SNTG1: variants seen among roughly 807,000 people sequenced by gnomAD.
SNTG1 encodes the protein gamma-1-syntrophin.
A neutral mutation model predicts 74.7 loss-of-function variants in SNTG1; 39 were observed. The ratio of observed to expected loss-of-function variants is 0.52; its 90% CI spans 0.40 to 0.68. The LOEUF is 0.68. SNTG1 is among the 30% of genes least tolerant of loss of function. The pLI, the probability that SNTG1 is intolerant of heterozygous loss-of-function variation, is 0.00. For missense variants in SNTG1, 685 were observed against 609.5 expected (o/e 1.12, Z -1.30); for synonymous variants, 254 against 217.1 (o/e 1.17, Z -1.49).
chr8:50,035,542 G>A (rs888988163), intron 1 of SNTG1, among the ~76,000 whole-genome samples: 11 of 152,246 alleles, frequency 7.2e-5, no homozygotes, highest in East Asian at 5.8e-4. Context: ...TATTTTGTGC[G>A]TTGTTAAACT....
intron 1 of SNTG1, among the ~76,000 whole-genome samples, chr8:49,994,646 A>T (rs571344914): frequency 1.3e-5 from 2 of 151,908 alleles, no homozygotes; most frequent in East Asian, 3.9e-4. Flanking sequence ...ATTCATGGCT[A>T]AAAAAAACTG....
chr8:50,402,114 G>GT (rs1405295900), intron 3 of SNTG1, 96 bp from the exon 4 acceptor site: 1 of 1,263,942 alleles, frequency 7.9e-7, no homozygotes, highest in Non-Finnish European at 1.1e-6. Context: ...CCTCTTAAAT[G>GT]TTATTCACCA....
rs187237075 is a variant in SNTG1, at chr8:50,119,265, G to T, written c.-102-53296G>T. Reference sequence around the variant, plus strand: ...TGATCACTGCCACCACAGAGAGAAGGCTAATTCTCTTTTCAGTGGCCATTT... The same window carrying T: ...TGATCACTGCCACCACAGAGAGAAGTCTAATTCTCTTTTCAGTGGCCATTT... On this transcript the variant is annotated intron_variant, in intron 1 of 18. Transcript: ENST00000642720. Among the ~76,000 whole-genome samples the T allele has an allele frequency of 2.3e-4, 32 of 140,692 alleles. 7 individuals carry two copies. The highest frequency in any genetic ancestry group is 1.2e-3 in the Admixed American group (16 of 13,598). 92.3% of individuals were successfully genotyped at this position (140,692 alleles called of 152,430 possible). A position where few individuals can be genotyped will look rare whatever the true frequency, so the allele number is the denominator to read the frequency against.
At chr8:50,375,541 G>A (rs2092361147) in intron 2 of SNTG1, among the ~76,000 whole-genome samples, 1 of 152,154 alleles carries the variant, frequency 6.6e-6, no homozygotes, top group African/African-American at 2.4e-5. Context: ...TCCAGGCAGA[G>A]GGAAATGTTT....
At chr8:50,307,353 G>A (rs1169828292) in intron 2 of SNTG1, among the ~76,000 whole-genome samples, 1 of 151,934 alleles carries the variant, frequency 6.6e-6, no homozygotes, top group Non-Finnish European at 1.5e-5. Context: ...AACACAATTA[G>A]AATTGTATAT....
intron 1 of SNTG1, among the ~76,000 whole-genome samples, chr8:50,018,762 A>C (rs1366395045): frequency 6.6e-6 from 1 of 152,064 alleles, no homozygotes; most frequent in Non-Finnish European, 1.5e-5. Context: ...AATTAGATAA[A>C]TGCAAATTAA....
At chr8:49,926,920 A>C (rs1807079530) in intron 1 of SNTG1, among the ~76,000 whole-genome samples, 1 of 152,216 alleles carries the variant, frequency 6.6e-6, no homozygotes, top group African/African-American at 2.4e-5. Flanking sequence ...CCAATTAAAA[A>C]ATCGGTAAAG....
intron 17 of SNTG1, among the ~76,000 whole-genome samples, chr8:50,720,946 G>A (rs1178468602): frequency 6.6e-6 from 1 of 152,136 alleles, no homozygotes; most frequent in Non-Finnish European, 1.5e-5. Context: ...ACCTTTATAT[G>A]TGAAAGTTGC....
At chr8:50,627,744 A>G (rs1253791949) in intron 13 of SNTG1, among the ~76,000 whole-genome samples, 1 of 152,236 alleles carries the variant, frequency 6.6e-6, no homozygotes, top group East Asian at 1.9e-4. Context: ...AAGTCCGCAG[A>G]TGAATAGCAG....
intron 2 of SNTG1, among the ~76,000 whole-genome samples, chr8:50,284,310 G>T (rs1357373723): frequency 2.6e-5 from 4 of 151,366 alleles, no homozygotes; most frequent in African/African-American, 9.8e-5. Context: ...CTTATGAATA[G>T]ATTGAGATTA....
At chr8:49,939,592 G>A (rs750270866) in intron 1 of SNTG1, among the ~76,000 whole-genome samples, 8 of 152,138 alleles carry the variant, frequency 5.3e-5, no homozygotes, top group Admixed American at 1.3e-4. Flanking sequence ...TTAGGCCACC[G>A]TGCCTGGCCT....
chr8:50,190,274 A>G (rs1462559841), intron 2 of SNTG1, among the ~76,000 whole-genome samples: 3 of 152,232 alleles, frequency 2.0e-5, no homozygotes, highest in African/African-American at 7.2e-5. Context: ...TTTCATGCAA[A>G]ATACAGCTGT....
At chr8:50,378,685 T>G (rs1478571294) in intron 2 of SNTG1, among the ~76,000 whole-genome samples, 1 of 151,794 alleles carries the variant, frequency 6.6e-6, no homozygotes, top group Non-Finnish European at 1.5e-5. Flanking sequence ...AGGCAAATCA[T>G]CCTGATGAGT....
At chr8:50,223,521 T>C (rs1230912061) in intron 2 of SNTG1, among the ~76,000 whole-genome samples, 2 of 152,078 alleles carry the variant, frequency 1.3e-5, no homozygotes, top group Non-Finnish European at 2.9e-5. Context: ...GAGTTTATTA[T>C]GCAAAAGGAA....
intron 4 of SNTG1, among the ~76,000 whole-genome samples, chr8:50,420,834 G>T (rs1176808832): frequency 6.6e-6 from 1 of 151,804 alleles, no homozygotes; most frequent in Non-Finnish European, 1.5e-5. Context: ...AGACCATCTT[G>T]GCCAACATGG....
At chr8:50,734,338 T>C (rs1274235304) in intron 17 of SNTG1, among the ~76,000 whole-genome samples, 2 of 151,728 alleles carry the variant, frequency 1.3e-5, no homozygotes, top group Non-Finnish European at 3.0e-5. Context: ...ACAGTATCTT[T>C]TTCATTCTAA....
At chr8:50,722,007 A>G (rs2095488782) in intron 17 of SNTG1, among the ~76,000 whole-genome samples, 2 of 152,134 alleles carry the variant, frequency 1.3e-5, no homozygotes, top group Admixed American at 1.3e-4. Context: ...GATGGATTAC[A>G]TATTATATGC....
intron 2 of SNTG1, among the ~76,000 whole-genome samples, chr8:50,293,574 T>C (rs1013029678): frequency 3.3e-5 from 5 of 151,856 alleles, no homozygotes; most frequent in African/African-American, 1.2e-4. Flanking sequence ...AACGCCCAGC[T>C]AATTTTTGTA....
intron 17 of SNTG1, among the ~76,000 whole-genome samples, chr8:50,733,329 C>A (rs1328788366): frequency 1.3e-5 from 2 of 151,712 alleles, no homozygotes; most frequent in African/African-American, 4.8e-5. Flanking sequence ...TCCAATCTAC[C>A]ATTGATAGGG....
Sources: allele counts gnomAD v4.1 joint callset (sites outside exome capture counted in the v4.1 genomes callset), GRCh38; gene constraint gnomAD v4.1.1; transcripts MANE v1.5; gene names NCBI Gene and HGNC (gene_info 2026-07-23, HGNC 2026-07-21).